Variants in NR6A1 observed in about 807,000 individuals in gnomAD.
NR6A1 encodes the protein retinoic acid receptor-related testis-associated receptor.
A neutral mutation model predicts 59.1 loss-of-function variants in NR6A1; 7 were observed. The observed-to-expected ratio is 0.12, with a 90% CI of 0.07 to 0.22. The LOEUF (loss-of-function observed/expected upper bound fraction) is 0.22. NR6A1 is among the 10% of genes least tolerant of loss of function. The pLI is 1.00. For missense variants in NR6A1, 468 were observed against 611.6 expected (o/e 0.77, Z 2.48); for synonymous variants, 243 against 236.1 (o/e 1.03, Z -0.27).
intron 1 of NR6A1, among the ~76,000 whole-genome samples, chr9:124,757,189 A>G (rs1163966220): frequency 6.6e-6 from 1 of 152,096 alleles, no homozygotes; most frequent in Non-Finnish European, 1.5e-5. Context: ...GTGAGGGTAC[A>G]TTGAGATAGA....
rs1480288860 is a variant in NR6A1, at chr9:124,686,129, CAAT to C, written c.142+47176_142+47178del. Among the ~76,000 whole-genome samples, 6 of 152,230 alleles carry C rather than the reference CAAT, an allele frequency of 3.9e-5. No individual in the cohort carries two copies. In the East Asian group the frequency reaches 1.2e-3, roughly 29 times the overall value. Reference sequence around the variant, plus strand: ...ACACAAATCTATACTCTACCTGAGGCAATAATAAACTTTCTAAGAACAGAGCTC... The same window carrying C: ...ACACAAATCTATACTCTACCTGAGGCAATAAACTTTCTAAGAACAGAGCTC... On this transcript the variant is annotated intron_variant, in intron 2 of 9. Coordinates refer to ENST00000487099, the MANE Select transcript of NR6A1 (RefSeq NM_033334.4).
chr9:124,769,966 A>C (rs898577677), intron 1 of NR6A1, among the ~76,000 whole-genome samples: 3 of 152,204 alleles, frequency 2.0e-5, no homozygotes, highest in African/African-American at 7.2e-5. Context: ...AACAGATACA[A>C]ATAAAACACC....
intron 2 of NR6A1, among the ~76,000 whole-genome samples, chr9:124,712,473 T>C (rs1264895005): frequency 2.0e-5 from 3 of 151,670 alleles, no homozygotes; most frequent in Admixed American, 1.3e-4. Flanking sequence ...GCCAGGTAGG[T>C]GACACACGCC....
chr9:124,625,370 C>A (rs1004485546), intron 2 of NR6A1, among the ~76,000 whole-genome samples: 2 of 152,162 alleles, frequency 1.3e-5, no homozygotes, highest in African/African-American at 4.8e-5. Flanking sequence ...CTTTGCCACC[C>A]AGGCTGAAGT....
chr9:124,703,812 A>C (rs1368690736), intron 2 of NR6A1, among the ~76,000 whole-genome samples: 1 of 145,278 alleles, frequency 6.9e-6, no homozygotes, highest in African/African-American at 2.6e-5. Context: ...GTTAAGGATT[A>C]GTATTATTGC....
At chr9:124,557,109 C>T (rs569501803) in intron 2 of NR6A1, among the ~76,000 whole-genome samples, 2 of 152,200 alleles carry the variant, frequency 1.3e-5, no homozygotes, top group East Asian at 3.9e-4. Context: ...ATTGACATAA[C>T]CACGTTATTG....
chr9:124,742,801 G>A (rs913155988), intron 1 of NR6A1, among the ~76,000 whole-genome samples: 5 of 151,292 alleles, frequency 3.3e-5, no homozygotes, highest in African/African-American at 9.7e-5. Context: ...ACGTGAACCC[G>A]GGAAGTAGAG....
At chr9:124,739,509 C>T (rs1369381671) in intron 1 of NR6A1, among the ~76,000 whole-genome samples, 2 of 152,204 alleles carry the variant, frequency 1.3e-5, no homozygotes, top group Non-Finnish European at 2.9e-5. Flanking sequence ...GGCTGGGGTG[C>T]AGTGGCACGA....
chr9:124,697,463 G>A (rs1478194977), intron 2 of NR6A1, among the ~76,000 whole-genome samples: 1 of 152,128 alleles, frequency 6.6e-6, no homozygotes, highest in Non-Finnish European at 1.5e-5. Flanking sequence ...GAAGGGTCAG[G>A]GAACTTCCTT....
intron 2 of NR6A1, among the ~76,000 whole-genome samples, chr9:124,618,841 T>C (rs1376418002): frequency 6.6e-6 from 1 of 152,134 alleles, no homozygotes; most frequent in African/African-American, 2.4e-5. Context: ...ACAGCATTGG[T>C]GAGAATAGGA....
At chr9:124,619,925 G>T (rs939066476) in intron 2 of NR6A1, among the ~76,000 whole-genome samples, 1 of 152,162 alleles carries the variant, frequency 6.6e-6, no homozygotes, top group African/African-American at 2.4e-5. Context: ...GCCAAGCATG[G>T]TGGTGCATGC....
chr9:124,525,337 C>T (rs939872394), intron 8 of NR6A1, among the ~76,000 whole-genome samples: 6 of 144,210 alleles, frequency 4.2e-5, no homozygotes, highest in Non-Finnish European at 7.6e-5. Context: ...CCCTCCTATG[C>T]GCTTCTGTTC....
intron 6 of NR6A1, among the ~76,000 whole-genome samples, chr9:124,536,510 T>C (rs1346461538): frequency 2.0e-5 from 3 of 151,892 alleles, no homozygotes; most frequent in Non-Finnish European, 2.9e-5. Context: ...AATACAAAAA[T>C]TAGCCGGGCG....
chr9:124,608,149 GATTTT>G (rs1158949972), intron 2 of NR6A1, among the ~76,000 whole-genome samples: 1 of 152,142 alleles, frequency 6.6e-6, no homozygotes, highest in Non-Finnish European at 1.5e-5. Context: ...GCACTTTTTA[GATTTT>G]ATTTTTATTT....
chr9:124,616,390 G>A (rs1444569623), intron 2 of NR6A1, among the ~76,000 whole-genome samples: 7 of 144,482 alleles, frequency 4.8e-5, no homozygotes, highest in East Asian at 2.0e-4. Context: ...GCGACAAAGC[G>A]GGACTCCATC....
chr9:124,701,521 G>T (rs1838949094), intron 2 of NR6A1, among the ~76,000 whole-genome samples: 1 of 152,060 alleles, frequency 6.6e-6, no homozygotes, highest in Admixed American at 6.6e-5. Flanking sequence ...TCCTAAACAA[G>T]AACTCTGTAC....
intron 2 of NR6A1, among the ~76,000 whole-genome samples, chr9:124,635,260 A>G (rs1406470226): frequency 2.0e-5 from 3 of 152,140 alleles, no homozygotes; most frequent in Admixed American, 1.3e-4. Context: ...GGACTCATAC[A>G]GTGATATGGT....
chr9:124,566,597 T>G (rs769415879), intron 2 of NR6A1, among the ~76,000 whole-genome samples: 10 of 152,268 alleles, frequency 6.6e-5, no homozygotes, highest in Non-Finnish European at 1.5e-4. Flanking sequence ...ATCGATATTA[T>G]CCTGCTGAGA....
intron 2 of NR6A1, among the ~76,000 whole-genome samples, chr9:124,662,381 T>G (rs1837466048): frequency 6.6e-6 from 1 of 152,184 alleles, no homozygotes; most frequent in South Asian, 2.1e-4. Flanking sequence ...GCTAGCTAGA[T>G]GATATTAGGC....
Sources: allele counts gnomAD v4.1 joint callset (sites outside exome capture counted in the v4.1 genomes callset), GRCh38; gene constraint gnomAD v4.1.1; transcripts MANE v1.5; gene names NCBI Gene and HGNC (gene_info 2026-07-23, HGNC 2026-07-21).